The following ZPBP variants were observed in gnomAD, a reference collection of about 807,000 sequenced individuals.
The protein encoded by ZPBP is zona pellucida binding protein, also known as zona pellucida-binding protein 1.
In ZPBP, 26 loss-of-function variants were observed where a neutral mutation model predicts 44.8. That is an observed-to-expected ratio of 0.58 (90% CI 0.43 to 0.81). ZPBP has a LOEUF of 0.81. Among genes scored for constraint, ZPBP ranks in the 30% least tolerant of loss-of-function variants. ZPBP has a pLI of 0.00. For missense variants in ZPBP, 409 were observed against 434.0 expected (o/e 0.94, Z 0.51); for synonymous variants, 174 against 153.2 (o/e 1.14, Z -1.00).
chr7:50,009,834 A>C lies in ZPBP; in HGVS notation c.783+8406T>G, dbSNP rs557645454. ...AACACATAAAAATAAATTGCATTTG[A>C]ACACACTAATAATGAACATTTGAAA... On this transcript the variant is annotated intron_variant, in intron 6 of 7. Transcript: ENST00000046087. Among the ~76,000 whole-genome samples, 10 of 152,096 alleles carry C rather than the reference A, an allele frequency of 6.6e-5. No individual in the cohort carries two copies. The East Asian group carries it at 2.0e-3, about 30-fold the overall frequency.
At chr7:50,001,328 A>G (rs1798086366) in intron 6 of ZPBP, among the ~76,000 whole-genome samples, 1 of 152,184 alleles carries the variant, frequency 6.6e-6, no homozygotes, top group African/African-American at 2.4e-5. Flanking sequence ...ACAGGAACCT[A>G]AAATTTTCTC....
intron 1 of ZPBP, among the ~76,000 whole-genome samples, chr7:49,902,372 A>G (rs1792802016): frequency 1.3e-5 from 2 of 152,102 alleles, no homozygotes; most frequent in African/African-American, 4.8e-5. Flanking sequence ...AATCTATTGT[A>G]TTGTGAAGAG....
intron 7 of ZPBP, among the ~76,000 whole-genome samples, chr7:49,973,890 A>G (rs1236780026): frequency 6.6e-5 from 10 of 152,188 alleles, no homozygotes; most frequent in Non-Finnish European, 8.8e-5. Flanking sequence ...ATCCTTCATG[A>G]TTGCCAACAG....
intron 7 of ZPBP, among the ~76,000 whole-genome samples, chr7:49,968,886 C>T (rs1226644813): frequency 6.6e-6 from 1 of 151,636 alleles, no homozygotes; most frequent in Non-Finnish European, 1.5e-5. Context: ...TATTTATCGT[C>T]ATATAAAACT....
intron 3 of ZPBP, among the ~76,000 whole-genome samples, chr7:50,078,686 T>C (rs1802220330): frequency 6.6e-6 from 1 of 151,536 alleles, no homozygotes; most frequent in African/African-American, 2.4e-5. Context: ...CCAAAAGCAA[T>C]TGCAAGACAA....
chr7:50,058,032 C>T lies in ZPBP; in HGVS notation c.444G>A (p.Val148=), dbSNP rs149720465. 7.7e-5 allele frequency: 125 copies of T among 1,612,974 alleles called. No individual in the cohort carries two copies. Among genetic ancestry groups the T allele is most frequent in the Non-Finnish European group, 9.9e-5 (117 of 1,179,644 alleles). Residue 148 remains valine (V), a synonymous_variant, in exon 4 of 8, where the codon GTG becomes GTA. Coordinates refer to ENST00000046087, the MANE Select transcript of ZPBP (RefSeq NM_007009.3). The part of the protein sequence containing the change: ...YTCFLEYKPT[V]EEIVKRLQLK... ...GTTGAAGACGTTTAACAATTTCTTCCACAGTAGGTTTATATTCGAGGAAAC... is the reference window on the plus strand; with the variant it reads ...GTTGAAGACGTTTAACAATTTCTTCTACAGTAGGTTTATATTCGAGGAAAC...
At chr7:49,996,515 C>T (rs1440164086) in intron 6 of ZPBP, among the ~76,000 whole-genome samples, 1 of 152,172 alleles carries the variant, frequency 6.6e-6, no homozygotes, top group East Asian at 1.9e-4. Context: ...CACAGTTACC[C>T]TAGTAAAAGG....
chr7:49,933,626 A>G (rs1794523926), downstream of ZPBP, among the ~76,000 whole-genome samples: 1 of 152,190 alleles, frequency 6.6e-6, no homozygotes, highest in South Asian at 2.1e-4. Context: ...GGCACTATTT[A>G]CCATAGCAAA....
At chr7:49,931,623 A>G (rs1185581748) in intron 1 of ZPBP, among the ~76,000 whole-genome samples, 1 of 152,218 alleles carries the variant, frequency 6.6e-6, no homozygotes, top group Non-Finnish European at 1.5e-5. Flanking sequence ...AAAAGTTTGG[A>G]AAATTTGCAG....
chr7:50,039,508 T>C (rs1799971619), intron 4 of ZPBP, among the ~76,000 whole-genome samples: 1 of 152,172 alleles, frequency 6.6e-6, no homozygotes, highest in Admixed American at 6.5e-5. Flanking sequence ...CTTTTCCCTT[T>C]TACTGATTTA....
At position 49,961,702 on chromosome 7, in the gene ZPBP, C is replaced by T. The variant is rs551864975; in HGVS notation, c.961+21640G>A. ...AATACTATTTGTCATTATTCGTGAT[C>T]CCAATAAGTGTTAATAGCATAAAAT... On this transcript the variant is annotated intron_variant, in intron 7 of 7. Transcript: ENST00000046087. Among the ~76,000 whole-genome samples, 4 of 151,966 alleles carry T rather than the reference C, an allele frequency of 2.6e-5. No homozygotes were observed. The East Asian group carries it at 7.7e-4, about 29-fold the overall frequency.
At chr7:50,012,009 C>T (rs138257346) in intron 6 of ZPBP, among the ~76,000 whole-genome samples, 6 of 144,718 alleles carry the variant, frequency 4.1e-5, no homozygotes, top group East Asian at 2.0e-4. Context: ...CCAGCCTAGG[C>T]GACAGAGTGA....
chr7:50,028,026 T>C (rs1000872301), intron 5 of ZPBP, among the ~76,000 whole-genome samples: 1 of 152,108 alleles, frequency 6.6e-6, no homozygotes, highest in Middle Eastern at 3.4e-3. Flanking sequence ...TCCAAAAGAA[T>C]AGAAGAGGAG....
rs10247791 is a variant in ZPBP at position 49,972,600 on chromosome 7, G to A, written c.961+10742C>T. Among the ~76,000 whole-genome samples the A allele has an allele frequency of 5.4e-3, 820 of 152,120 alleles. 9 individuals are homozygous for A. The highest frequency in any genetic ancestry group is 0.019 in the African/African-American group (773 of 41,524). On this transcript the variant is annotated intron_variant, in intron 7 of 7. Coordinates refer to ENST00000046087, the MANE Select transcript of ZPBP (RefSeq NM_007009.3). ...AAATTAACTCATAAATAACTGGAAAGGCATTCTGTGGTCATGGATTGGTAG... is the reference window on the plus strand; with the variant it reads ...AAATTAACTCATAAATAACTGGAAAAGCATTCTGTGGTCATGGATTGGTAG...
At position 49,997,623 on chromosome 7, in the gene ZPBP, G is replaced by A. The variant is rs78922962; in HGVS notation, c.784-14104C>T. ...CATTTTCTTGCATGGCAACTGCTTC[G>A]GGGGAAGCCATTACCATGTCCTCAG... On this transcript the variant is annotated intron_variant, in intron 6 of 7. Transcript: ENST00000046087. 1.6e-3 allele frequency among the ~76,000 whole-genome samples: 242 copies of A among 152,212 alleles called. 1 individual carries two copies. The highest frequency in any genetic ancestry group is 5.7e-3 in the African/African-American group (235 of 41,530).
At chr7:50,000,924 A>G (rs1188908725) in intron 6 of ZPBP, among the ~76,000 whole-genome samples, 4 of 152,116 alleles carry the variant, frequency 2.6e-5, no homozygotes, top group Non-Finnish European at 5.9e-5. Flanking sequence ...TAATTAGGGT[A>G]AAATGAGGCC....
chr7:49,864,980 A>G (rs1790818088), intron 2 of ZPBP, among the ~76,000 whole-genome samples: 1 of 151,324 alleles, frequency 6.6e-6, no homozygotes, highest in African/African-American at 2.4e-5. Context: ...TCCTGTGGGA[A>G]GAATGGGAGG....
chr7:49,898,168 ATG>A (rs955216494), intron 2 of ZPBP, among the ~76,000 whole-genome samples: 9 of 151,858 alleles, frequency 5.9e-5, no homozygotes, highest in African/African-American at 1.2e-4. Flanking sequence ...TATGCTTTAT[ATG>A]TGTGTGTGTA....
At chr7:49,932,630 C>T (rs1223718101), downstream of ZPBP, among the ~76,000 whole-genome samples, 3 of 152,016 alleles carry the variant, frequency 2.0e-5, no homozygotes, top group East Asian at 5.8e-4. Context: ...TGAGTTAATG[C>T]TGAAATGAAT....
Sources: allele counts gnomAD v4.1 joint callset (sites outside exome capture counted in the v4.1 genomes callset), GRCh38; gene constraint gnomAD v4.1.1; transcripts MANE v1.5; gene names NCBI Gene and HGNC (gene_info 2026-07-23, HGNC 2026-07-21).